LARP7: variants seen among roughly 807,000 people sequenced by gnomAD.
LARP7 encodes the protein la-related protein 7.
Under a neutral mutation model 69.3 loss-of-function variants are expected in LARP7, and 52 were observed. That is an observed-to-expected ratio of 0.75 (90% CI 0.60 to 0.95). LARP7 has a LOEUF of 0.95. Among genes scored for constraint, LARP7 ranks in the 40% least tolerant of loss-of-function variants. LARP7 has a pLI of 0.00. For synonymous variants in LARP7, 254 were observed against 215.9 expected (o/e 1.18, Z -1.55); for missense variants, 733 against 673.0 (o/e 1.09, Z -0.99).
rs753142181 is a variant in LARP7 at position 112,649,608 on chromosome 4, A to G, written c.1216A>G (p.Ile406Val). 6.2e-7 allele frequency: 1 copy of G among 1,609,028 alleles called. No individual in the cohort carries two copies. The highest frequency in any genetic ancestry group is 1.1e-5 in the South Asian group (1 of 90,616). The change falls in exon 9 of 13, where the codon ATA becomes GTA. Residue 406 changes from isoleucine (I) to valine (V), a missense_variant. Physicochemically the swap from Ile to Val is conservative, Grantham distance 29 (BLOSUM62 3). Coordinates refer to ENST00000344442, the MANE Select transcript of LARP7 (RefSeq NM_016648.4). ...KASMASLKKT[I>V]SQIKSESEME... Reference sequence around the variant, plus strand: ...TAGCATGGCTTCTTTAAAAAAAACAATATCCCAAATAAAATCAGAGTCAGA... The same window carrying G: ...TAGCATGGCTTCTTTAAAAAAAACAGTATCCCAAATAAAATCAGAGTCAGA...
rs202188434 is a variant in LARP7, at chr4:112,654,116, C to T, written c.1625C>T (p.Ala542Val). 6.2e-7 allele frequency: 1 copy of T among 1,613,780 alleles called. No homozygotes were observed. The highest frequency in any genetic ancestry group is 8.5e-7 in the Non-Finnish European group (1 of 1,179,872). Residue 542 changes from alanine to valine, a missense_variant, in exon 12 of 13, where the codon GCA becomes GTA. By Grantham distance (64) the Ala-to-Val change is moderately conservative. Transcript: ENST00000344442. ...YWQKILVDRQ[A>V]KLNQPREKKR... ...CAGAAGATTTTGGTTGATAGACAGG[C>T]AAAACTTAATCAGCCTCGGGAAAAG...
At chr4:112,657,170 T>G (rs1026303771) in intron 12 of LARP7, 77 bp from the exon 13 acceptor site, 18 of 516,934 alleles carry the variant, frequency 3.5e-5, no homozygotes, top group South Asian at 7.1e-5. Flanking sequence ...AGTCATAGTT[T>G]TGTGTGTGTG....
Position 112,647,098 on chromosome 4 carries a change from ATAAGCCCATTCCAGCCT to A in LARP7, c.622_638del (p.Pro208SerfsTer37). The A allele has an allele frequency of 6.2e-7, 1 of 1,611,514 alleles. No homozygotes were observed. The highest frequency in any genetic ancestry group is 8.5e-7 in the Non-Finnish European group (1 of 1,179,432). Reference sequence around the variant, plus strand: ...GGCATATTTCCTAAAACAGTGAAAAATAAGCCCATTCCAGCCTTAAGAGTTGTGGGTGAGTATTTTTC... The same window carrying A: ...GGCATATTTCCTAAAACAGTGAAAAATAAGAGTTGTGGGTGAGTATTTTTC... On this transcript the variant is annotated frameshift_variant, in exon 6 of 13. Coordinates refer to ENST00000344442, the MANE Select transcript of LARP7 (RefSeq NM_016648.4). LOFTEE classifies it high-confidence loss of function.
In LARP7 at chr4:112,651,683, A is replaced by G. The variant is rs1027075910; in HGVS notation, c.1416+1101A>G. On this transcript the variant is annotated intron_variant, in intron 10 of 12. Transcript: ENST00000344442. ...TAGTTACTTACATTTTGCTGAAACA[A>G]AAACTGAGCTGTGTTGGTTACAACT... Among the ~76,000 whole-genome samples the G allele has an allele frequency of 5.9e-5, 9 of 152,282 alleles. 2 individuals are homozygous for G. The highest frequency in any genetic ancestry group is 5.9e-4 in the Admixed American group (9 of 15,300).
At chr4:112,648,340 A>C (rs1434685248) in intron 8 of LARP7, 1 of 531,944 alleles carries the variant, frequency 1.9e-6, no homozygotes, top group African/African-American at 1.9e-5. Context: ...TTTTGTAACA[A>C]AAGGTGTGCT....
intron 12 of LARP7, 128 bp downstream of exon 12, chr4:112,654,287 C>T: frequency 1.7e-6 from 1 of 581,794 alleles, no homozygotes; most frequent in Non-Finnish European, 3.1e-6. Flanking sequence ...TGAGTATATA[C>T]TATGTTTTAG....
At chr4:112,639,772 G>C (rs1262166842) in intron 1 of LARP7, among the ~76,000 whole-genome samples, 1 of 152,054 alleles carries the variant, frequency 6.6e-6, no homozygotes, top group Non-Finnish European at 1.5e-5. Context: ...GGATGGAGAT[G>C]AGAGCCATTT....
intron 1 of LARP7, among the ~76,000 whole-genome samples, chr4:112,639,450 T>C (rs1342437689): frequency 6.6e-6 from 1 of 152,142 alleles, no homozygotes; most frequent in East Asian, 1.9e-4. Context: ...CAGGATGGTC[T>C]CCATCTCCTG....
intron 1 of LARP7, among the ~76,000 whole-genome samples, chr4:112,643,089 G>A (rs911786022): frequency 6.6e-6 from 1 of 152,190 alleles, no homozygotes; most frequent in African/African-American, 2.4e-5. Context: ...TGACTGTATG[G>A]CAGGGACTGA....
chr4:112,649,577 A>G lies in LARP7; in HGVS notation c.1185A>G (p.Gln395=), dbSNP rs1264030595. 6.2e-7 allele frequency: 1 copy of G among 1,607,280 alleles called. No homozygotes were observed. Among genetic ancestry groups the G allele is most frequent in the African/African-American group, 1.3e-5 (1 of 74,814 alleles). Residue 395 remains glutamine, a synonymous_variant, in exon 9 of 13, where the codon CAA becomes CAG. Coordinates refer to ENST00000344442, the MANE Select transcript of LARP7 (RefSeq NM_016648.4). ...MDLKKEYLAL[Q]KASMASLKKT... The stretch of plus-strand genomic sequence containing the variant: ...TGAAAAAAGAGTATTTAGCGCTACA[A>G]AAAGCTAGCATGGCTTCTTTAAAAA...
At chr4:112,656,171 G>A (rs1383881860) in intron 12 of LARP7, among the ~76,000 whole-genome samples, 1 of 152,180 alleles carries the variant, frequency 6.6e-6, no homozygotes, top group African/African-American at 2.4e-5. Flanking sequence ...TTAGGAGGCT[G>A]AGGCTGGTGG....
At chr4:112,648,010 T>G (rs774234053) in intron 8 of LARP7, 176 bp downstream of exon 8, 2 of 700,854 alleles carry the variant, frequency 2.9e-6, no homozygotes, top group East Asian at 5.6e-5. Flanking sequence ...ACCACCACAC[T>G]CAAACATGGA....
At chr4:112,641,318 G>T (rs755308290) in intron 1 of LARP7, among the ~76,000 whole-genome samples, 2 of 152,116 alleles carry the variant, frequency 1.3e-5, no homozygotes, top group East Asian at 1.9e-4. Flanking sequence ...GAACCCAGAG[G>T]GGGAGGTTGC....
chr4:112,642,381 C>G (rs1199053983), intron 1 of LARP7, among the ~76,000 whole-genome samples: 1 of 152,164 alleles, frequency 6.6e-6, no homozygotes, highest in Non-Finnish European at 1.5e-5. Context: ...AAAATTGGTA[C>G]TTGATTGATC....
At chr4:112,648,386 T>G (rs1391170578) in intron 8 of LARP7, 2 of 504,448 alleles carry the variant, frequency 4.0e-6, no homozygotes, top group Non-Finnish European at 8.2e-6. Context: ...ATGGAAGCAC[T>G]TACTTTTGTT....
rs1236585341 is a variant in LARP7, at chr4:112,647,354, C to G, written c.802C>G (p.Pro268Ala). 1 of 1,613,862 alleles carries G rather than the reference C, an allele frequency of 6.2e-7. No homozygotes were observed. The highest frequency in any genetic ancestry group is 1.3e-5 in the African/African-American group (1 of 74,888). ...GGGCTCTGACATTGAGTCCACTGAA[C>G]CCCAAAAGCAGTGCTCAAAGAAAAA... ...SEGSDIESTE[P>A]QKQCSKKKKK... Residue 268 changes from proline to alanine, a missense_variant, in exon 7 of 13, where the codon CCC becomes GCC. Pro to Ala is a conservative substitution (Grantham distance 27). Coordinates refer to ENST00000344442, the MANE Select transcript of LARP7 (RefSeq NM_016648.4).
At position 112,646,451 on chromosome 4, in the gene LARP7, G is replaced by A. The variant is rs2048244524; in HGVS notation, c.303G>A (p.Glu101=). 1.3e-6 allele frequency: 2 copies of A among 1,558,226 alleles called. No homozygotes were observed. Among genetic ancestry groups the A allele is most frequent in the Non-Finnish European group, 1.8e-6 (2 of 1,135,912 alleles). ...CATTGAGAAGTTCAGCTGTTGTAGA[G>A]GTAAGAATCAAGAATAACTACTGTT... The part of the protein sequence containing the change: ...ARALRSSAVV[E]LDLEGTRIRR... The change falls in exon 3 of 13, where the codon GAG becomes GAA. Residue 101 remains glutamate (E), a splice_region_variant and synonymous_variant. Coordinates refer to ENST00000344442, the MANE Select transcript of LARP7 (RefSeq NM_016648.4).
chr4:112,650,435 C>G (rs1375105782), intron 9 of LARP7, 26 bp from the exon 10 acceptor site: 1 of 1,612,222 alleles, frequency 6.2e-7, no homozygotes, highest in African/African-American at 1.3e-5. Flanking sequence ...GAGATTTAGT[C>G]CTGGTCTTTT....
At position 112,647,198 on chromosome 4, in the gene LARP7, GAA is replaced by G; in HGVS notation, c.647_648del (p.Glu216GlyfsTer34). 1 of 1,588,622 alleles carries G rather than the reference GAA, an allele frequency of 6.3e-7. No individual in the cohort carries two copies. The highest frequency in any genetic ancestry group is 1.2e-5 in the South Asian group (1 of 85,744). The part of the protein sequence containing the change: ...NKPIPALRVV[E>X]EKKKKKKKKG... The stretch of plus-strand genomic sequence containing the variant: ...AACTAATAATGATGGCACTTTTACA[GAA>G]GAGAAGAAAAAGAAAAAGAAGAAGA... On this transcript the variant is annotated frameshift_variant and splice_region_variant, in exon 7 of 13. Coordinates refer to ENST00000344442, the MANE Select transcript of LARP7 (RefSeq NM_016648.4). LOFTEE classifies it high-confidence loss of function.
Sources: allele counts gnomAD v4.1 joint callset (sites outside exome capture counted in the v4.1 genomes callset), GRCh38; gene constraint gnomAD v4.1.1; transcripts MANE v1.5; gene names NCBI Gene and HGNC (gene_info 2026-07-23, HGNC 2026-07-21).